Variants in KLRG1 observed in about 807,000 individuals in gnomAD.
KLRG1 encodes the protein killer cell lectin-like receptor subfamily G member 1.
Under a neutral mutation model 21.8 loss-of-function variants are expected in KLRG1, and 16 were observed. That is an observed-to-expected ratio of 0.73 (90% CI 0.50 to 1.11). KLRG1 has a LOEUF of 1.11. Among genes scored for constraint, KLRG1 ranks in the 50% most tolerant of loss-of-function variants. The probability of loss-of-function intolerance (pLI) is 0.00; values close to 1 mark genes in which losing one functional copy is unlikely to be tolerated. For synonymous variants in KLRG1, 69 were observed against 75.9 expected (o/e 0.91, Z 0.47); for missense variants, 173 against 218.3 (o/e 0.79, Z 1.31).
At chr12:8,957,890 T>C (rs1415236539) in intron 1 of KLRG1, among the ~76,000 whole-genome samples, 1 of 152,198 alleles carries the variant, frequency 6.6e-6, no homozygotes, top group African/African-American at 2.4e-5. Flanking sequence ...TTTCATCTGA[T>C]ATTTTCAGAC....
chr12:9,079,733 G>A, the KLRG1 span: 6 of 1,613,716 alleles, frequency 3.7e-6, no homozygotes, highest in South Asian at 2.2e-5. Flanking sequence ...TAGGAGCAAA[G>A]AGGACCATAT....
At chr12:8,984,500 T>A (rs12820395) in intron 1 of KLRG1, among the ~76,000 whole-genome samples, 1 of 151,974 alleles carries the variant, frequency 6.6e-6, no homozygotes, top group African/African-American at 2.4e-5. Context: ...ATTATCCACC[T>A]GCCCCCGCCT....
At chr12:8,978,189 A>G (rs958787205) in intron 1 of KLRG1, among the ~76,000 whole-genome samples, 1 of 152,194 alleles carries the variant, frequency 6.6e-6, no homozygotes, top group African/African-American at 2.4e-5. Context: ...AGGCTTTCAC[A>G]TTGCTAGTTA....
At chr12:9,189,793 A>G in the KLRG1 span, among the ~76,000 whole-genome samples, 1 of 152,248 alleles carries the variant, frequency 6.6e-6, no homozygotes, top group Non-Finnish European at 1.5e-5. Flanking sequence ...ACACATTTAC[A>G]AGGAAAAAAC....
the KLRG1 span, chr12:9,109,915 T>C: frequency 6.2e-7 from 1 of 1,613,694 alleles, no homozygotes; most frequent in Non-Finnish European, 8.5e-7. Context: ...CCTGATTTCT[T>C]CTGTACCACC....
chr12:9,008,895 A>T, intron 3 of KLRG1, 80 bp from the exon 4 acceptor site: 1 of 884,382 alleles, frequency 1.1e-6, no homozygotes, highest in South Asian at 1.5e-5. Context: ...TTAACTTAGT[A>T]TTAGGAATCC....
the KLRG1 span, among the ~76,000 whole-genome samples, chr12:9,092,145 A>T: frequency 3.9e-5 from 6 of 152,194 alleles, no homozygotes; most frequent in Admixed American, 6.5e-5. Context: ...ACAGACTTAC[A>T]GGAAGGCTGA....
At chr12:9,130,465 T>C in the KLRG1 span, among the ~76,000 whole-genome samples, 1 of 151,346 alleles carries the variant, frequency 6.6e-6, no homozygotes, top group South Asian at 2.1e-4. Flanking sequence ...CTTGTTACTT[T>C]CTGTTTTTTT....
the KLRG1 span, chr12:9,200,847 T>A: frequency 1.3e-6 from 2 of 1,577,184 alleles, no homozygotes; most frequent in Non-Finnish European, 1.7e-6. Flanking sequence ...GCTCACACTC[T>A]AGGAACCAAA....
the KLRG1 span, among the ~76,000 whole-genome samples, chr12:9,061,625 G>A: frequency 6.6e-6 from 1 of 152,106 alleles, no homozygotes; most frequent in Non-Finnish European, 1.5e-5. Flanking sequence ...ACCAGCCTGG[G>A]CAGCATAGCG....
intron 1 of KLRG1, among the ~76,000 whole-genome samples, chr12:8,980,195 A>G (rs546531247): frequency 6.6e-6 from 1 of 152,242 alleles, no homozygotes; most frequent in South Asian, 2.1e-4. Flanking sequence ...CTGGGATTAC[A>G]GGTGTGAGTC....
intron 1 of KLRG1, among the ~76,000 whole-genome samples, chr12:8,983,476 C>G (rs1178714342): frequency 1.4e-5 from 2 of 143,896 alleles, no homozygotes; most frequent in African/African-American, 5.3e-5. Context: ...TCTCAGCTCA[C>G]TGCAACCTCG....
intron 1 of KLRG1, among the ~76,000 whole-genome samples, chr12:8,980,765 A>G (rs116450260): frequency 0.014 from 2,082 of 152,288 alleles, 39 homozygotes; most frequent in African/African-American, 0.043. Context: ...GGGCAGCTCC[A>G]TCGGCTGGTG....
the KLRG1 span, among the ~76,000 whole-genome samples, chr12:9,210,887 C>T: frequency 6.6e-6 from 1 of 152,122 alleles, no homozygotes; most frequent in South Asian, 2.1e-4. Context: ...AATGTTTCCA[C>T]TCTCCTAATG....
At chr12:9,029,101 GAA>G in the KLRG1 span, 1 of 422,816 alleles carries the variant, frequency 2.4e-6, no homozygotes, top group Non-Finnish European at 4.4e-6. Flanking sequence ...ACGGCAGAAA[GAA>G]GAGAGATTTT....
Position 9,009,524 on chromosome 12 carries a change from A to G in KLRG1, c.557A>G (p.Lys186Arg), listed in dbSNP as rs772410471. 1.8e-5 allele frequency: 29 copies of G among 1,613,780 alleles called. No homozygotes were observed. Among genetic ancestry groups the G allele is most frequent in the Non-Finnish European group, 2.3e-5 (27 of 1,179,898 alleles). Reference protein sequence around the residue: ...CEVPLHWVCKKVRL With the variant: ...CEVPLHWVCKRVRL ...GTTCCTTTACACTGGGTGTGTAAGAAGGTCAGACTTTGATAGATGACCACT... is the reference window on the plus strand; with the variant it reads ...GTTCCTTTACACTGGGTGTGTAAGAGGGTCAGACTTTGATAGATGACCACT... The change falls in exon 5 of 5, where the codon AAG becomes AGG. Residue 186 changes from lysine to arginine, a missense_variant. Physicochemically the swap from Lys to Arg is conservative, Grantham distance 26 (BLOSUM62 2). Transcript: ENST00000356986.
intron 1 of KLRG1, among the ~76,000 whole-genome samples, chr12:8,975,684 C>T (rs1300480853): frequency 6.6e-6 from 1 of 152,160 alleles, no homozygotes; most frequent in African/African-American, 2.4e-5. Context: ...CCATGCCAGC[C>T]TCCTGAGTAG....
the KLRG1 span, among the ~76,000 whole-genome samples, chr12:9,187,160 A>G: frequency 6.6e-6 from 1 of 152,042 alleles, no homozygotes; most frequent in African/African-American, 2.4e-5. Context: ...CAAAATCTAC[A>G]TGCACCCAAC....
the KLRG1 span, among the ~76,000 whole-genome samples, chr12:9,136,071 T>C: frequency 6.6e-6 from 1 of 152,200 alleles, no homozygotes; most frequent in Non-Finnish European, 1.5e-5. Flanking sequence ...TAAATGTACA[T>C]AAAGACAAGC....
Sources: gnomAD v4.1 joint callset for allele counts (sites outside exome capture counted in the v4.1 genomes callset) on GRCh38, gnomAD v4.1.1 for gene constraint, MANE v1.5 for transcripts, NCBI Gene and HGNC (gene_info 2026-07-23, HGNC 2026-07-21) for gene names.